Variants in CNTNAP5 observed in about 807,000 individuals in gnomAD.
CNTNAP5 encodes contactin associated protein family member 5.
Under a neutral mutation model 150.2 loss-of-function variants are expected in CNTNAP5, and 72 were observed. The ratio of observed to expected loss-of-function variants is 0.48; its 90% confidence interval spans 0.40 to 0.58. The LOEUF is 0.58. CNTNAP5 is among the 20% of genes least tolerant of loss of function. The pLI is 0.00. For synonymous variants in CNTNAP5, 672 were observed against 619.8 expected (o/e 1.08, Z -1.25); for missense variants, 1,636 against 1,626.2 (o/e 1.01, Z -0.10).
intron 7 of CNTNAP5, among the ~76,000 whole-genome samples, chr2:124,502,670 A>G (rs959839811): frequency 2.6e-5 from 4 of 152,202 alleles, no homozygotes; most frequent in African/African-American, 7.2e-5. Context: ...CAGCCCTACC[A>G]CAATGAGTTG....
intron 13 of CNTNAP5, among the ~76,000 whole-genome samples, chr2:124,730,407 G>A (rs180756450): frequency 1.2e-4 from 18 of 151,730 alleles, no homozygotes; most frequent in Non-Finnish European, 2.4e-4. Context: ...ATTATTTAAA[G>A]AATTACTGAA....
intron 20 of CNTNAP5, among the ~76,000 whole-genome samples, chr2:124,867,227 C>G (rs1201968450): frequency 6.6e-6 from 1 of 152,150 alleles, no homozygotes; most frequent in Non-Finnish European, 1.5e-5. Flanking sequence ...GCTAAACAAG[C>G]AAACAAGCCA....
intron 3 of CNTNAP5, among the ~76,000 whole-genome samples, chr2:124,387,410 A>G (rs1450638516): frequency 1.3e-5 from 2 of 152,258 alleles, no homozygotes; most frequent in African/African-American, 4.8e-5. Flanking sequence ...TTGTGTGAGC[A>G]ATAAAGCTGT....
At chr2:124,652,897 A>G (rs1048329699) in intron 13 of CNTNAP5, among the ~76,000 whole-genome samples, 7 of 152,226 alleles carry the variant, frequency 4.6e-5, no homozygotes, top group Non-Finnish European at 1.0e-4. Context: ...CAGAGGGAAG[A>G]AGTCAATATT....
intron 7 of CNTNAP5, among the ~76,000 whole-genome samples, chr2:124,480,009 C>G (rs79427651): frequency 0.022 from 3,305 of 152,272 alleles, 73 homozygotes; most frequent in African/African-American, 0.054. Flanking sequence ...ATCTATAAAT[C>G]CATTCAACTG....
chr2:124,284,480 G>A (rs1688096715), intron 3 of CNTNAP5, among the ~76,000 whole-genome samples: 1 of 152,060 alleles, frequency 6.6e-6, no homozygotes, highest in East Asian at 1.9e-4. Flanking sequence ...GGAAGGGAGA[G>A]CATCAGGATA....
intron 13 of CNTNAP5, among the ~76,000 whole-genome samples, chr2:124,659,341 G>C (rs1336086880): frequency 6.6e-6 from 1 of 152,112 alleles, no homozygotes; most frequent in Non-Finnish European, 1.5e-5. Context: ...TATGGTAGCG[G>C]TGATTTCACA....
rs180964074 is a variant in CNTNAP5, at chr2:124,774,598, A to G, written c.2752+1581A>G. On this transcript the variant is annotated intron_variant, in intron 17 of 23. Transcript: ENST00000682447. Reference sequence around the variant, plus strand: ...ATATTGCTGTTTTAATTCTATTTAAACATCACATTTTGATGGGTGACTTCT... The same window carrying G: ...ATATTGCTGTTTTAATTCTATTTAAGCATCACATTTTGATGGGTGACTTCT... Among the ~76,000 whole-genome samples, 1,078 of 152,298 alleles carry G rather than the reference A, an allele frequency of 7.1e-3. 13 individuals are homozygous for G. Among genetic ancestry groups the G allele is most frequent in the African/African-American group, 0.023 (936 of 41,566 alleles).
At chr2:124,271,313 A>C (rs1228710042) in intron 3 of CNTNAP5, among the ~76,000 whole-genome samples, 1 of 152,112 alleles carries the variant, frequency 6.6e-6, no homozygotes, top group Non-Finnish European at 1.5e-5. Context: ...GGAGTGCAGG[A>C]TTAGAAGGTG....
At chr2:124,375,018 TA>T (rs1690611469) in intron 3 of CNTNAP5, among the ~76,000 whole-genome samples, 1 of 152,016 alleles carries the variant, frequency 6.6e-6, no homozygotes, top group South Asian at 2.1e-4. Flanking sequence ...TATAAATAAA[TA>T]GTTGAATAAA....
At chr2:124,690,245 A>T (rs1025306447) in intron 13 of CNTNAP5, among the ~76,000 whole-genome samples, 3 of 152,096 alleles carry the variant, frequency 2.0e-5, no homozygotes, top group African/African-American at 7.2e-5. Context: ...AATTATTTAG[A>T]TTCATTCAGA....
chr2:124,571,534 T>TTTTCTCTTTTTTTTCTTTTTTC, intron 11 of CNTNAP5, among the ~76,000 whole-genome samples: 1 of 96,932 alleles, frequency 1.0e-5, no homozygotes, highest in South Asian at 4.2e-4. Context: ...TTTCTTTTTT[T>TTTTCTCTTTTTTTTCTTTTTTC]TTTTTTTTTT....
chr2:124,680,343 C>G (rs1029931762), intron 13 of CNTNAP5, among the ~76,000 whole-genome samples: 1 of 151,846 alleles, frequency 6.6e-6, no homozygotes, highest in Non-Finnish European at 1.5e-5. Context: ...CATGTACTGC[C>G]CCTCTACTGG....
intron 14 of CNTNAP5, among the ~76,000 whole-genome samples, chr2:124,761,918 T>A (rs552159962): frequency 6.6e-6 from 1 of 152,234 alleles, no homozygotes; most frequent in South Asian, 2.1e-4. Flanking sequence ...CCAGAATGTG[T>A]ATGAAAGGCA....
intron 3 of CNTNAP5, among the ~76,000 whole-genome samples, chr2:124,324,343 G>C (rs935051623): frequency 3.3e-5 from 5 of 152,212 alleles, no homozygotes; most frequent in African/African-American, 1.2e-4. Flanking sequence ...TACTGACATT[G>C]ACTGTTGGGC....
At chr2:124,332,471 G>T (rs1182015161) in intron 3 of CNTNAP5, among the ~76,000 whole-genome samples, 1 of 151,114 alleles carries the variant, frequency 6.6e-6, no homozygotes, top group Non-Finnish European at 1.5e-5. Context: ...TTTCAATGTG[G>T]AATAGTACAT....
At chr2:124,057,210 T>G (rs1681874160) in intron 1 of CNTNAP5, among the ~76,000 whole-genome samples, 1 of 152,026 alleles carries the variant, frequency 6.6e-6, no homozygotes, top group Non-Finnish European at 1.5e-5. Context: ...ACCACCATTT[T>G]CTGGTAGTTA....
At chr2:124,723,705 A>C (rs757122845) in intron 13 of CNTNAP5, among the ~76,000 whole-genome samples, 4 of 152,174 alleles carry the variant, frequency 2.6e-5, no homozygotes, top group Non-Finnish European at 5.9e-5. Context: ...TGACTTGCAG[A>C]TGGCCACCTT....
At chr2:124,084,924 G>GTTTTTTTTTGT (rs1553435821) in intron 1 of CNTNAP5, among the ~76,000 whole-genome samples, 4 of 89,980 alleles carry the variant, frequency 4.4e-5, no homozygotes, top group Non-Finnish European at 8.0e-5. Context: ...CAAGTTTCCT[G>GTTTTTTTTTGT]TTTTTTTTTT....
Sources: allele counts gnomAD v4.1 joint callset (sites outside exome capture counted in the v4.1 genomes callset), GRCh38; gene constraint gnomAD v4.1.1; transcripts MANE v1.5; gene names NCBI Gene and HGNC (gene_info 2026-07-23, HGNC 2026-07-21).